The following ABCC6 variants were observed in gnomAD, a reference collection of about 807,000 sequenced individuals.
The protein encoded by ABCC6 is ATP binding cassette subfamily C member 6, also known as ATP-binding cassette sub-family C member 6.
A neutral mutation model predicts 169.5 loss-of-function variants in ABCC6; 126 were observed. That is an observed-to-expected ratio of 0.74 (90% CI 0.64 to 0.86). The LOEUF is 0.86. Among genes scored for constraint, ABCC6 ranks in the 40% least tolerant of loss-of-function variants. ABCC6 has a pLI of 0.00. For missense variants in ABCC6, 1,733 were observed against 1,927.2 expected (o/e 0.90, Z 1.89); for synonymous variants, 752 against 814.7 (o/e 0.92, Z 1.31).
intron 29 of ABCC6, 99 bp downstream of exon 29, chr16:16,154,529 A>T (rs971553545): frequency 1.4e-6 from 2 of 1,444,836 alleles, no homozygotes; most frequent in Non-Finnish European, 1.9e-6. Context: ...CAGAGTGATA[A>T]TCCTATCGGG....
rs754073351 is a variant in ABCC6, at chr16:16,154,617, G to A, written c.4208+11C>T. On this transcript the variant is annotated intron_variant, in intron 29 of 30. Coordinates refer to ENST00000205557, the MANE Select transcript of ABCC6 (RefSeq NM_001171.6). ...CACCTGCAGGTCCCAGCCATGGTGG[G>A]ACGACCATACCTCAGGTCCTCGCCT... 5 of 1,611,550 alleles carry A rather than the reference G, an allele frequency of 3.1e-6. No individual in the cohort carries two copies. Among genetic ancestry groups the A allele is most frequent in the Non-Finnish European group, 4.2e-6 (5 of 1,179,990 alleles).
At chr16:16,183,286 C>T (rs1034527648) in intron 15 of ABCC6, among the ~76,000 whole-genome samples, 2 of 152,180 alleles carry the variant, frequency 1.3e-5, no homozygotes, top group African/African-American at 4.8e-5. Context: ...ATGCACACCA[C>T]GCACACACAC....
Position 16,165,926 on chromosome 16 carries a change from C to T in ABCC6, c.3003G>A (p.Gly1001=), listed in dbSNP as rs971331274. Residue 1001 remains glycine (G), a synonymous_variant, in exon 23 of 31, where the codon GGG becomes GGA. Transcript: ENST00000205557. ...FGLLGCLQAI[G]LFASMAAVLL... is the part of the protein sequence containing the mutation. Reference sequence around the variant, plus strand: ...GCACCGCAGCCATGGAGGCAAACAGCCCAATGGCTGGGGAGGGAGAGGAGG... The same window carrying T: ...GCACCGCAGCCATGGAGGCAAACAGTCCAATGGCTGGGGAGGGAGAGGAGG... The T allele has an allele frequency of 6.8e-6, 11 of 1,612,794 alleles. No individual in the cohort carries two copies. The African/African-American group carries it at 1.1e-4, about 16-fold the overall frequency.
rs113424196 is a variant in ABCC6, at chr16:16,158,182, T to G, written c.3736-373A>C. Among the ~76,000 whole-genome samples the G allele has an allele frequency of 3.2e-3, 480 of 152,276 alleles. 2 individuals carry two copies. Among genetic ancestry groups the G allele is most frequent in the Middle Eastern group, 6.8e-3 (2 of 294 alleles). On this transcript the variant is annotated intron_variant, in intron 26 of 30. Coordinates refer to ENST00000205557, the MANE Select transcript of ABCC6 (RefSeq NM_001171.6). The stretch of plus-strand genomic sequence containing the variant: ...ACAGATCATTCTACCCCCTTGAGTC[T>G]TGGTTTTCCAATCTGGGAAATAGGG...
Position 16,203,505 on chromosome 16 carries a change from C to T in ABCC6, c.903G>A (p.Lys301=). The stretch of plus-strand genomic sequence containing the variant: ...TAGAATGGAACACCTGCCAGATGGC[C>T]TTCAGCAGTGGGCGCCACTGGCTCC... ...QEGSQWRPLL[K]AIWQVFHSTF... The change falls in exon 8 of 31, where the codon AAG becomes AAA. Residue 301 remains lysine (K), a synonymous_variant. Coordinates refer to ENST00000205557, the MANE Select transcript of ABCC6 (RefSeq NM_001171.6). 6.2e-7 allele frequency: 1 copy of T among 1,614,008 alleles called. No homozygotes were observed. Among genetic ancestry groups the T allele is most frequent in the East Asian group, 2.2e-5 (1 of 44,880 alleles).
At chr16:16,154,336 A>C (rs2046472756) in intron 29 of ABCC6, among the ~76,000 whole-genome samples, 1 of 152,192 alleles carries the variant, frequency 6.6e-6, no homozygotes, top group African/African-American at 2.4e-5. Flanking sequence ...ATATTTTCAT[A>C]GCAAAATAAA....
chr16:16,164,366 T>C (rs1464789674), intron 23 of ABCC6, among the ~76,000 whole-genome samples: 1 of 152,118 alleles, frequency 6.6e-6, no homozygotes, highest in Non-Finnish European at 1.5e-5. Flanking sequence ...CCATGTTTTC[T>C]ACTTCTGGTT....
chr16:16,205,293 T>C (rs1199532109), intron 7 of ABCC6, among the ~76,000 whole-genome samples: 1 of 152,172 alleles, frequency 6.6e-6, no homozygotes, highest in African/African-American at 2.4e-5. Context: ...GCTGAGGCTC[T>C]GAGAGATGGC....
rs140013237 is a variant in ABCC6, at chr16:16,182,525, A to T, written c.2134T>A (p.Cys712Ser). Reference sequence around the variant, plus strand: ...GGTGGGTCCAGCTCCTGCCCGAAGCACACATTCTCTACCACAGAGGTGTTC... The same window carrying T: ...GGTGGGTCCAGCTCCTGCCCGAAGCTCACATTCTCTACCACAGAGGTGTTC... ...VQNTSVVENV[C>S]FGQELDPPWL... The change falls in exon 17 of 31, where the codon TGC (cysteine) becomes AGC (serine). Residue 712 changes from cysteine to serine, a missense_variant. Cys to Ser is a moderately radical substitution (Grantham distance 112, BLOSUM62 -1). Transcript: ENST00000205557. 1 of 1,614,074 alleles carries T rather than the reference A, an allele frequency of 6.2e-7. No homozygotes were observed. The highest frequency in any genetic ancestry group is 1.7e-5 in the Admixed American group (1 of 59,992).
chr16:16,150,168 A>T lies in ABCC6; in HGVS notation c.4477T>A (p.Phe1493Ile). 1 of 1,613,286 alleles carries T rather than the reference A, an allele frequency of 6.2e-7. No homozygotes were observed. The highest frequency in any genetic ancestry group is 1.1e-5 in the South Asian group (1 of 91,046). Residue 1493 changes from phenylalanine (F) to isoleucine (I), a missense_variant, in exon 31 of 31, where the codon TTT becomes ATT. By Grantham distance (21) the Phe-to-Ile change is conservative. Coordinates refer to ENST00000205557, the MANE Select transcript of ABCC6 (RefSeq NM_001171.6). ...PAQLLAQKGL[F>I]YRLAQESGLV ...CCTGACTCCTGGGCCAGTCTGTAAAACAGGCCCTTCTGGGCCAGCAGCTGG... is the reference window on the plus strand; with the variant it reads ...CCTGACTCCTGGGCCAGTCTGTAAATCAGGCCCTTCTGGGCCAGCAGCTGG...
At chr16:16,203,975 A>G (rs2048321193) in intron 7 of ABCC6, among the ~76,000 whole-genome samples, 1 of 152,188 alleles carries the variant, frequency 6.6e-6, no homozygotes, top group South Asian at 2.1e-4. Context: ...AACTTGCCCA[A>G]GGGCACACAG....
chr16:16,213,303 C>T (rs1055243954), intron 5 of ABCC6, among the ~76,000 whole-genome samples: 16 of 151,908 alleles, frequency 1.1e-4, no homozygotes, highest in African/African-American at 3.6e-4. Flanking sequence ...ACTACATTGC[C>T]TAGTCTGATC....
chr16:16,197,036 C>T (rs758219573), intron 10 of ABCC6, among the ~76,000 whole-genome samples: 1 of 152,080 alleles, frequency 6.6e-6, no homozygotes, highest in Admixed American at 6.6e-5. Context: ...TATACCACAA[C>T]GTTAAAGGAA....
At chr16:16,219,141 T>C (rs1367648223) in intron 4 of ABCC6, among the ~76,000 whole-genome samples, 3 of 117,928 alleles carry the variant, frequency 2.5e-5, no homozygotes, top group African/African-American at 1.0e-4. Flanking sequence ...AGAATGAGTG[T>C]GTAAATATAG....
At position 16,149,912 on chromosome 16, in the gene ABCC6, C is replaced by G; in HGVS notation, c.*221G>C. On this transcript the variant is annotated 3_prime_UTR_variant, in exon 31 of 31. Coordinates refer to ENST00000205557, the MANE Select transcript of ABCC6 (RefSeq NM_001171.6). ...GACATTGGCTGCAGGGTGGACAGGGCGAGATGGGCCCTGCCCGGGCAGACC... is the reference window on the plus strand; with the variant it reads ...GACATTGGCTGCAGGGTGGACAGGGGGAGATGGGCCCTGCCCGGGCAGACC... 1 of 668,730 alleles carries G rather than the reference C, an allele frequency of 1.5e-6. No individual in the cohort carries two copies. The highest frequency in any genetic ancestry group is 2.6e-6 in the Non-Finnish European group (1 of 384,390). The allele number at this position is 668,730 out of a possible 1,614,324, so 41.4% of individuals were successfully genotyped here.
intron 24 of ABCC6, among the ~76,000 whole-genome samples, chr16:16,162,341 G>A (rs1225547772): frequency 1.3e-5 from 2 of 152,136 alleles, no homozygotes; most frequent in African/African-American, 2.4e-5. Flanking sequence ...TCAAATCCTG[G>A]CTCTGCCAGT....
At chr16:16,187,773 T>C (rs1027796063) in intron 13 of ABCC6, among the ~76,000 whole-genome samples, 2 of 152,100 alleles carry the variant, frequency 1.3e-5, no homozygotes, top group South Asian at 2.1e-4. Flanking sequence ...CCCATGCCTG[T>C]AGTCCCAGCT....
intron 22 of ABCC6, 44 bp downstream of exon 22, chr16:16,169,602 G>T: frequency 1.9e-6 from 3 of 1,603,702 alleles, no homozygotes; most frequent in African/African-American, 1.3e-5. Context: ...GCACCCCTTG[G>T]TGCAGCTGGG....
At position 16,149,911 on chromosome 16, in the gene ABCC6, G is replaced by A. The variant is rs2046340827; in HGVS notation, c.*222C>T. ...TGACATTGGCTGCAGGGTGGACAGG[G>A]CGAGATGGGCCCTGCCCGGGCAGAC... On this transcript the variant is annotated 3_prime_UTR_variant, in exon 31 of 31. Transcript: ENST00000205557. 1 of 666,458 alleles carries A rather than the reference G, an allele frequency of 1.5e-6. No individual in the cohort carries two copies. Among genetic ancestry groups the A allele is most frequent in the Non-Finnish European group, 2.6e-6 (1 of 382,186 alleles). 41.3% of individuals were successfully genotyped at this position (666,458 alleles called of 1,614,324 possible). A position where few individuals can be genotyped will look rare whatever the true frequency, so the allele number is the denominator to read the frequency against.
Sources: allele counts gnomAD v4.1 joint callset (sites outside exome capture counted in the v4.1 genomes callset), GRCh38; gene constraint gnomAD v4.1.1; transcripts MANE v1.5; gene names NCBI Gene and HGNC (gene_info 2026-07-23, HGNC 2026-07-21).